The following ATRNL1 variants were observed in gnomAD, a reference collection of about 807,000 sequenced individuals.
ATRNL1 encodes attractin like 1.
A neutral mutation model predicts 182.7 loss-of-function variants in ATRNL1; 95 were observed. The observed-to-expected ratio is 0.52, with a 90% CI of 0.44 to 0.62. The LOEUF (loss-of-function observed/expected upper bound fraction) is 0.62, where lower values mean the gene tolerates loss of function less well. Among genes scored for constraint, ATRNL1 ranks in the 20% least tolerant of loss-of-function variants. The pLI is 0.00. For synonymous variants in ATRNL1, 576 were observed against 568.3 expected, an observed-to-expected ratio of 1.01 and a Z score of -0.19; for missense variants, 1,471 against 1,679.5, an observed-to-expected ratio of 0.88 and a Z score of 2.17.
At chr10:115,588,585 G>A (rs1291967643) in intron 26 of ATRNL1, among the ~76,000 whole-genome samples, 2 of 152,180 alleles carry the variant, frequency 1.3e-5, no homozygotes, top group African/African-American at 4.8e-5. Context: ...TGCTTTATGT[G>A]TGGTCTAAGC....
chr10:115,105,650 C>T (rs1554865715), intron 1 of ATRNL1, among the ~76,000 whole-genome samples: 1 of 152,184 alleles, frequency 6.6e-6, no homozygotes, highest in Non-Finnish European at 1.5e-5. Flanking sequence ...CTTGGTGTCC[C>T]TTGTCCCAGC....
intron 1 of ATRNL1, among the ~76,000 whole-genome samples, chr10:115,094,361 C>T (rs2084959098): frequency 6.6e-6 from 1 of 152,194 alleles, no homozygotes; most frequent in African/African-American, 2.4e-5. Flanking sequence ...AGTTATGATG[C>T]CCAGCACCAT....
chr10:115,295,294 C>G (rs1336544585), intron 15 of ATRNL1, among the ~76,000 whole-genome samples: 3 of 152,054 alleles, frequency 2.0e-5, no homozygotes, highest in African/African-American at 7.2e-5. Flanking sequence ...TGCTGCTCGG[C>G]TGGCTTGGGG....
At chr10:115,390,291 T>C (rs1843953418) in intron 19 of ATRNL1, among the ~76,000 whole-genome samples, 1 of 152,210 alleles carries the variant, frequency 6.6e-6, no homozygotes, top group South Asian at 2.1e-4. Context: ...TCATGTAGCA[T>C]TTCCCTTGTT....
chr10:115,343,160 T>C (rs369737310), intron 19 of ATRNL1, among the ~76,000 whole-genome samples: 1 of 152,192 alleles, frequency 6.6e-6, no homozygotes, highest in Admixed American at 6.5e-5. Context: ...GATATTGATA[T>C]ATTTCTCTAG....
At chr10:115,686,936 G>C (rs1946237492) in intron 26 of ATRNL1, among the ~76,000 whole-genome samples, 1 of 151,910 alleles carries the variant, frequency 6.6e-6, no homozygotes, top group African/African-American at 2.4e-5. Context: ...GATGAGTTTG[G>C]AGATAAGTAT....
intron 27 of ATRNL1, among the ~76,000 whole-genome samples, chr10:115,785,532 A>C (rs989887218): frequency 2.0e-4 from 30 of 152,232 alleles, no homozygotes; most frequent in African/African-American, 7.2e-4. Context: ...GCCATTATGC[A>C]AGAAGGCCCT....
Position 115,833,897 on chromosome 10 carries a change from C to T in ATRNL1, c.3904-13980C>T, listed in dbSNP as rs118132541. On this transcript the variant is annotated intron_variant, in intron 27 of 28. Transcript: ENST00000355044. The stretch of plus-strand genomic sequence containing the variant: ...AAAGCTTTAGTTTAAAGGTCTGCCA[C>T]ATAAGCAACAGGGCCTGCTCTTCAC... Among the ~76,000 whole-genome samples the T allele has an allele frequency of 1.3e-3, 195 of 152,290 alleles. 6 individuals carry two copies. The East Asian group carries it at 0.034, about 27-fold the overall frequency.
intron 27 of ATRNL1, among the ~76,000 whole-genome samples, chr10:115,765,074 C>A (rs1346256891): frequency 2.6e-5 from 4 of 152,186 alleles, no homozygotes; most frequent in Non-Finnish European, 5.9e-5. Flanking sequence ...CATTCACCTA[C>A]TGAAGGGAGT....
At chr10:115,345,799 T>C (rs1855949343) in intron 19 of ATRNL1, among the ~76,000 whole-genome samples, 1 of 152,188 alleles carries the variant, frequency 6.6e-6, no homozygotes, top group Admixed American at 6.5e-5. Flanking sequence ...CTATCTGTCT[T>C]TACAAATTTA....
At chr10:115,819,655 C>A (rs141443332) in intron 27 of ATRNL1, among the ~76,000 whole-genome samples, 461 of 152,184 alleles carry the variant, frequency 3.0e-3, no homozygotes, top group African/African-American at 0.01. Context: ...CTGTTTCTAT[C>A]TCTGTCCCTC....
At chr10:115,094,596 C>G (rs531829455) in intron 1 of ATRNL1, among the ~76,000 whole-genome samples, 3 of 152,146 alleles carry the variant, frequency 2.0e-5, no homozygotes, top group African/African-American at 4.8e-5. Flanking sequence ...GTGCCAAACA[C>G]TCTTCTAAGC....
rs546089553 is a variant in ATRNL1 at position 115,732,217 on chromosome 10, C to A, written c.3903+4862C>A. ...GCTGGATTATATCGTAACTTTTTACCGCTTGTTGAAAAGTACTTTCTTTCT... is the reference window on the plus strand; with the variant it reads ...GCTGGATTATATCGTAACTTTTTACAGCTTGTTGAAAAGTACTTTCTTTCT... On this transcript the variant is annotated intron_variant, in intron 27 of 28. Coordinates refer to ENST00000355044, the MANE Select transcript of ATRNL1 (RefSeq NM_207303.4). 3.0e-4 allele frequency among the ~76,000 whole-genome samples: 46 copies of A among 151,992 alleles called. 1 individual carries two copies. The highest frequency in any genetic ancestry group is 6.0e-4 in the Non-Finnish European group (41 of 67,992).
chr10:115,444,556 G>A (rs1435573630), intron 21 of ATRNL1, among the ~76,000 whole-genome samples: 1 of 150,508 alleles, frequency 6.6e-6, no homozygotes, highest in Non-Finnish European at 1.5e-5. Context: ...TTATATTTTT[G>A]TAATTTACCT....
intron 21 of ATRNL1, among the ~76,000 whole-genome samples, chr10:115,449,394 C>T (rs1554967248): frequency 6.6e-6 from 1 of 152,160 alleles, no homozygotes; most frequent in Non-Finnish European, 1.5e-5. Context: ...CTCCCCTTCC[C>T]ACTGCAAGCC....
rs187644217 is a variant in ATRNL1 at position 115,282,847 on chromosome 10, C to T, written c.2233+1360C>T. Among the ~76,000 whole-genome samples the T allele has an allele frequency of 4.7e-3, 699 of 149,038 alleles. 7 individuals are homozygous for T. Among genetic ancestry groups the T allele is most frequent in the Middle Eastern group, 0.01 (3 of 290 alleles). ...TTTTATTATTATTATACTTTAAGTT[C>T]TGGGGTACTTGTGCAGAATGTGCAG... is the stretch of plus-strand genomic sequence containing the variant. On this transcript the variant is annotated intron_variant, in intron 14 of 28. Transcript: ENST00000355044.
chr10:115,735,383 A>G (rs1170798983), intron 27 of ATRNL1, among the ~76,000 whole-genome samples: 2 of 152,296 alleles, frequency 1.3e-5, no homozygotes, highest in African/African-American at 2.4e-5. Flanking sequence ...TTGTTCTGAC[A>G]CTGGCTTCTG....
intron 26 of ATRNL1, among the ~76,000 whole-genome samples, chr10:115,567,285 T>A (rs1041323338): frequency 3.0e-4 from 45 of 152,272 alleles, no homozygotes; most frequent in Non-Finnish European, 8.8e-5. Context: ...GATAATGCTT[T>A]TTTAGACTGC....
chr10:115,262,175 T>TG (rs1851421303), intron 10 of ATRNL1, among the ~76,000 whole-genome samples: 1 of 118,282 alleles, frequency 8.5e-6, no homozygotes, highest in East Asian at 2.0e-4. Flanking sequence ...GGGCAGTGGA[T>TG]TTTTTTTTTT....
Sources: allele counts gnomAD v4.1 joint callset (sites outside exome capture counted in the v4.1 genomes callset), GRCh38; gene constraint gnomAD v4.1.1; transcripts MANE v1.5; gene names NCBI Gene and HGNC (gene_info 2026-07-23, HGNC 2026-07-21).